Variants in KIF4A observed in about 807,000 individuals in gnomAD.
KIF4A encodes kinesin family member 4A, also known as chromosome-associated kinesin KIF4A.
Under a neutral mutation model 105.9 loss-of-function variants are expected in KIF4A, and 7 were observed. That is an observed-to-expected ratio of 0.07 (90% CI 0.04 to 0.12). The LOEUF is 0.12. Ranked by LOEUF, KIF4A falls within the 10% of genes least tolerant of loss-of-function variation. The probability of loss-of-function intolerance (pLI) is 1.00; values close to 1 mark genes in which losing one functional copy is unlikely to be tolerated. For missense variants in KIF4A, 558 were observed against 929.2 expected (o/e 0.60, Z 5.19); for synonymous variants, 281 against 331.3 (o/e 0.85, Z 1.65).
chrX:70,385,863 GTTTTTA>G (rs750616639), intron 18 of KIF4A, among the ~76,000 whole-genome samples: 8 of 111,795 alleles, frequency 7.2e-5, no homozygotes, highest in Non-Finnish European at 1.5e-4. Context: ...GTAATAACCT[GTTTTTA>G]TTTTTATTTT....
At chrX:70,408,833 A>G (rs1257540652) in intron 28 of KIF4A, among the ~76,000 whole-genome samples, 1 of 112,362 alleles carries the variant, frequency 8.9e-6, no homozygotes, top group Non-Finnish European at 1.9e-5. Context: ...TATTCGTCTC[A>G]GGGAGATGGA....
At chrX:70,352,980 A>T (rs2066093) in intron 14 of KIF4A, among the ~76,000 whole-genome samples, 10,716 of 111,666 alleles carry the variant, frequency 0.096, 403 homozygotes, top group East Asian at 0.24. Context: ...AGAGGAAAAA[A>T]TGAGGAAATT....
At chrX:70,400,180 A>ACC (rs1482719657) in intron 22 of KIF4A, among the ~76,000 whole-genome samples, 4 of 56,012 alleles carry the variant, frequency 7.1e-5, no homozygotes, top group African/African-American at 1.4e-4. Flanking sequence ...CCCTTCCCCC[A>ACC]CCCCACAACA....
intron 22 of KIF4A, among the ~76,000 whole-genome samples, chrX:70,400,469 G>A (rs1214623385): frequency 2.7e-5 from 3 of 111,548 alleles, no homozygotes; most frequent in East Asian, 2.8e-4. Flanking sequence ...GGTACCGCTT[G>A]TTGAGTTTTA....
At chrX:70,369,587 C>G (rs1329270334) in intron 15 of KIF4A, among the ~76,000 whole-genome samples, 1 of 111,792 alleles carries the variant, frequency 8.9e-6, no homozygotes. Flanking sequence ...ATTCCCACTT[C>G]TTTCTACCCT....
At position 70,362,321 on chromosome X, in the gene KIF4A, G is replaced by A. The variant is rs2086079553; in HGVS notation, c.1674+8514G>A. 4 of 327,379 alleles carry A rather than the reference G, an allele frequency of 1.2e-5. No individual in the cohort carries two copies. The South Asian group carries it at 1.3e-4, about 11-fold the overall frequency. The allele number at this position is 327,379 out of a possible 1,213,427, so 27.0% of individuals were successfully genotyped here. ...TCAGCTCTTTCTCCGTGGGGGTGCT[G>A]CGGATGTAGAGAGGGTAATTCTCCT... On this transcript the variant is annotated intron_variant, in intron 15 of 30. Transcript: ENST00000374403.
chrX:70,371,626 C>T (rs1168903239), intron 15 of KIF4A, among the ~76,000 whole-genome samples: 2 of 105,912 alleles, frequency 1.9e-5, no homozygotes, highest in Non-Finnish European at 3.9e-5. Context: ...ACCTCCCTCC[C>T]GGATGGGGCG....
At chrX:70,411,109 A>G (rs1316607857) in intron 28 of KIF4A, among the ~76,000 whole-genome samples, 3 of 111,523 alleles carry the variant, frequency 2.7e-5, no homozygotes, top group Non-Finnish European at 5.6e-5. Flanking sequence ...AAGAGGAAGC[A>G]GGTATTTTTG....
chrX:70,356,737 T>C (rs1021883703), intron 15 of KIF4A, among the ~76,000 whole-genome samples: 1 of 112,130 alleles, frequency 8.9e-6, no homozygotes, highest in African/African-American at 3.2e-5. Flanking sequence ...TTATGTTACA[T>C]TTTTTAGATA....
chrX:70,360,957 G>T (rs904118797), intron 15 of KIF4A, among the ~76,000 whole-genome samples: 5 of 112,845 alleles, frequency 4.4e-5, no homozygotes, highest in Admixed American at 9.3e-5. Flanking sequence ...CACGTTGGAA[G>T]GGCTCCCCAT....
At position 70,290,121 on chromosome X, in the gene KIF4A, AG is replaced by A; in HGVS notation, c.-48del. 1 of 168,336 alleles carries A rather than the reference AG, an allele frequency of 5.9e-6. No individual in the cohort carries two copies. Among genetic ancestry groups the A allele is most frequent in the African/African-American group, 3.0e-5 (1 of 33,547 alleles). 13.9% of individuals were successfully genotyped at this position (168,336 alleles called of 1,213,427 possible). A position where few individuals can be genotyped will look rare whatever the true frequency, so the allele number is the denominator to read the frequency against. ...GCTGGGACAGGGCGGCGGGAGGCCC[AG>A]GGAGAACGGGGAAGGGACATTTAGT... On this transcript the variant is annotated 5_prime_UTR_variant, in exon 1 of 31. Transcript: ENST00000374403.
chrX:70,332,772 T>C (rs955690701), intron 9 of KIF4A, among the ~76,000 whole-genome samples: 9 of 111,015 alleles, frequency 8.1e-5, no homozygotes, highest in Non-Finnish European at 1.7e-4. Flanking sequence ...AGGAGACCAG[T>C]CTTGGGAGGC....
rs776612735 is a variant in KIF4A at position 70,343,738 on chromosome X, A to G, written c.1302A>G (p.Leu434=). The G allele has an allele frequency of 1.8e-5, 22 of 1,209,960 alleles. No individual in the cohort carries two copies. Among genetic ancestry groups the G allele is most frequent in the Non-Finnish European group, 2.3e-5 (21 of 895,049 alleles). ...CGAATGAAAAAATGAACGCCAAGCT[A>G]GAAGAGCTCAGGCAGCATGCGGCGT... The part of the protein sequence containing the change: ...EQANEKMNAK[L]EELRQHAACK... Residue 434 remains leucine, a synonymous_variant, in exon 12 of 31, where the codon CTA becomes CTG. Transcript: ENST00000374403.
At chrX:70,342,963 A>C (rs753566774) in intron 11 of KIF4A, among the ~76,000 whole-genome samples, 1 of 112,648 alleles carries the variant, frequency 8.9e-6, no homozygotes, top group Admixed American at 9.4e-5. Context: ...CATAACAAGC[A>C]CAACATTTTT....
chrX:70,314,031 G>A (rs766167933), intron 7 of KIF4A, among the ~76,000 whole-genome samples: 4 of 111,970 alleles, frequency 3.6e-5, no homozygotes, highest in Non-Finnish European at 7.5e-5. Flanking sequence ...TGCTCTGAGT[G>A]TGGCTAATGA....
At chrX:70,404,452 A>T (rs1208043207) in intron 24 of KIF4A, among the ~76,000 whole-genome samples, 1 of 110,739 alleles carries the variant, frequency 9.0e-6, no homozygotes, top group Non-Finnish European at 1.9e-5. Context: ...AAGTGGGAGA[A>T]TCGCTTGAAC....
intron 13 of KIF4A, among the ~76,000 whole-genome samples, chrX:70,349,698 GGCCGGGCAGAGAC>G (rs1294776030): frequency 1.0e-4 from 8 of 77,828 alleles, no homozygotes; most frequent in Non-Finnish European, 1.4e-4. Context: ...TCGGGGTGGC[GGCCGGGCAGAGAC>G]GCTCCTCACC....
intron 15 of KIF4A, chrX:70,362,075 A>G (rs1169397042): frequency 6.1e-6 from 1 of 163,435 alleles, no homozygotes; most frequent in Non-Finnish European, 1.2e-5. Flanking sequence ...TGGACAAGCT[A>G]CATTACTGCT....
intron 28 of KIF4A, among the ~76,000 whole-genome samples, chrX:70,417,480 C>A (rs1281222512): frequency 8.9e-6 from 1 of 111,972 alleles, no homozygotes; most frequent in Non-Finnish European, 1.9e-5. Context: ...AACCCTGTCT[C>A]TACTGAAAAT....
Sources: allele counts gnomAD v4.1 joint callset (sites outside exome capture counted in the v4.1 genomes callset), GRCh38; gene constraint gnomAD v4.1.1; transcripts MANE v1.5; gene names NCBI Gene and HGNC (gene_info 2026-07-23, HGNC 2026-07-21).